DCDC1: variants seen among roughly 807,000 people sequenced by gnomAD.
DCDC1 encodes the protein doublecortin domain containing 1, also known as doublecortin domain-containing protein 1.
In DCDC1, 200 loss-of-function variants were observed where a neutral mutation model predicts 178.3. The ratio of observed to expected loss-of-function variants is 1.12; its 90% CI spans 1.00 to 1.26. The LOEUF is 1.26. Among genes scored for constraint, DCDC1 ranks in the 50% most tolerant of loss-of-function variants. DCDC1 has a pLI of 0.00. For missense variants in DCDC1, 1,983 were observed against 1,749.2 expected (o/e 1.13, Z -2.38); for synonymous variants, 690 against 604.8 (o/e 1.14, Z -2.07).
intron 1 of DCDC1, among the ~76,000 whole-genome samples, chr11:31,352,589 A>C (rs2133308613): frequency 6.6e-6 from 1 of 152,290 alleles, no homozygotes; most frequent in Middle Eastern, 3.4e-3. Flanking sequence ...TCCTATCTAC[A>C]ATGTACAACT....
intron 9 of DCDC1, among the ~76,000 whole-genome samples, chr11:31,149,836 A>G (rs534278093): frequency 6.6e-6 from 1 of 152,248 alleles, no homozygotes; most frequent in African/African-American, 2.4e-5. Flanking sequence ...CTGAAGGAAC[A>G]AACTCCGGAC....
chr11:30,973,132 C>T (rs112135738), intron 20 of DCDC1, among the ~76,000 whole-genome samples: 13 of 151,676 alleles, frequency 8.6e-5, no homozygotes, highest in Non-Finnish European at 1.6e-4. Context: ...TTTAGCCAGG[C>T]GTGATGGTGT....
intron 2 of DCDC1, among the ~76,000 whole-genome samples, chr11:31,334,033 G>T (rs771517795): frequency 1.8e-4 from 27 of 152,116 alleles, no homozygotes; most frequent in Non-Finnish European, 3.1e-4. Flanking sequence ...CGTAGATTTG[G>T]TCTTTTCACA....
intron 9 of DCDC1, among the ~76,000 whole-genome samples, chr11:31,233,775 C>A (rs558110271): frequency 6.6e-6 from 1 of 152,228 alleles, no homozygotes; most frequent in Non-Finnish European, 1.5e-5. Flanking sequence ...AGATTTGTCA[C>A]CTTGTTAATC....
chr11:31,098,190 G>A (rs1958275337), intron 15 of DCDC1, among the ~76,000 whole-genome samples: 1 of 152,110 alleles, frequency 6.6e-6, no homozygotes, highest in Non-Finnish European at 1.5e-5. Flanking sequence ...CATTCCTAAA[G>A]CTATTCTCCT....
chr11:30,971,771 A>C (rs1590610669), intron 20 of DCDC1, among the ~76,000 whole-genome samples: 1 of 151,976 alleles, frequency 6.6e-6, no homozygotes, highest in Non-Finnish European at 1.5e-5. Context: ...CACCACGCCC[A>C]GCTAATTTTT....
At chr11:31,348,887 C>A (rs1324153184) in intron 1 of DCDC1, among the ~76,000 whole-genome samples, 1 of 152,020 alleles carries the variant, frequency 6.6e-6, no homozygotes, top group Non-Finnish European at 1.5e-5. Context: ...ACCTGCATTG[C>A]CAAATTATTC....
intron 9 of DCDC1, among the ~76,000 whole-genome samples, chr11:31,157,013 G>C (rs176374): frequency 0.59 from 90,179 of 151,946 alleles, 27,210 homozygotes; most frequent in East Asian, 0.93. Context: ...ATATTTCCAA[G>C]CATCTTATAA....
chr11:31,098,012 T>C (rs1958259965), intron 15 of DCDC1, among the ~76,000 whole-genome samples: 1 of 152,304 alleles, frequency 6.6e-6, no homozygotes, highest in African/African-American at 2.4e-5. Flanking sequence ...TTGATGTTTT[T>C]CTTGCCGTTT....
At chr11:31,031,843 C>G (rs1953674782) in intron 20 of DCDC1, among the ~76,000 whole-genome samples, 1 of 151,958 alleles carries the variant, frequency 6.6e-6, no homozygotes, top group African/African-American at 2.4e-5. Context: ...GAGCCTGTAA[C>G]TCTAAAACAG....
chr11:31,306,802 G>A (rs934309235), intron 4 of DCDC1, among the ~76,000 whole-genome samples: 3 of 151,916 alleles, frequency 2.0e-5, no homozygotes, highest in Non-Finnish European at 4.4e-5. Flanking sequence ...TTCTATCCAA[G>A]TTTTCAGGTT....
intron 20 of DCDC1, among the ~76,000 whole-genome samples, chr11:31,018,346 T>C (rs931902734): frequency 2.0e-5 from 3 of 152,210 alleles, no homozygotes; most frequent in Non-Finnish European, 4.4e-5. Flanking sequence ...GTTGTCATGT[T>C]TTTAAGTTTG....
At chr11:31,170,582 T>G (rs1967082344) in intron 9 of DCDC1, among the ~76,000 whole-genome samples, 2 of 152,200 alleles carry the variant, frequency 1.3e-5, no homozygotes, top group African/African-American at 4.8e-5. Flanking sequence ...TAAAACATCT[T>G]AGATTTTGTT....
At chr11:31,213,030 T>G (rs1193984657) in intron 9 of DCDC1, among the ~76,000 whole-genome samples, 1 of 150,210 alleles carries the variant, frequency 6.7e-6, no homozygotes, top group Non-Finnish European at 1.5e-5. Flanking sequence ...CACTTGCTCT[T>G]CCTTATTAGA....
intron 7 of DCDC1, among the ~76,000 whole-genome samples, chr11:31,271,728 G>T (rs554596083): frequency 1.3e-5 from 2 of 152,330 alleles, no homozygotes; most frequent in Admixed American, 1.3e-4. Context: ...ACAAAAGAAA[G>T]AGGTTTAGTG....
intron 7 of DCDC1, among the ~76,000 whole-genome samples, chr11:31,286,026 A>G (rs1946799088): frequency 6.6e-6 from 1 of 152,142 alleles, no homozygotes; most frequent in Non-Finnish European, 1.5e-5. Context: ...ACAGGAGAAC[A>G]AGCAAAAAGG....
intron 7 of DCDC1, among the ~76,000 whole-genome samples, chr11:31,275,827 C>T (rs771644596): frequency 1.5e-4 from 23 of 152,158 alleles, no homozygotes; most frequent in Non-Finnish European, 2.4e-4. Flanking sequence ...TGTAGTCTCA[C>T]GCCCCTTGTC....
intron 1 of DCDC1, among the ~76,000 whole-genome samples, chr11:31,346,929 AAT>A (rs1950847693): frequency 6.6e-6 from 1 of 152,268 alleles, no homozygotes; most frequent in African/African-American, 2.4e-5. Context: ...ATATATTTTA[AAT>A]AGTTTTATTT....
intron 22 of DCDC1, 64 bp downstream of exon 22, chr11:30,931,707 T>C: frequency 6.9e-7 from 1 of 1,449,126 alleles, no homozygotes; most frequent in Non-Finnish European, 9.2e-7. Context: ...CATCCATAAT[T>C]AAGAACACAA....
Sources: allele counts gnomAD v4.1 joint callset (sites outside exome capture counted in the v4.1 genomes callset), GRCh38; gene constraint gnomAD v4.1.1; transcripts MANE v1.5; gene names NCBI Gene and HGNC (gene_info 2026-07-23, HGNC 2026-07-21).